MYO1B: variants seen among roughly 807,000 people sequenced by gnomAD.
MYO1B encodes unconventional myosin-Ib.
MYO1B carries 72 observed loss-of-function variants against 159.7 expected under a neutral mutation model. The ratio of observed to expected loss-of-function variants is 0.45; its 90% CI spans 0.37 to 0.55. The LOEUF (loss-of-function observed/expected upper bound fraction) is 0.55, where lower values mean the gene tolerates loss of function less well. MYO1B is among the 20% of genes least tolerant of loss of function. MYO1B has a pLI of 0.00. For synonymous variants in MYO1B, 468 were observed against 473.8 expected (o/e 0.99, Z 0.16); for missense variants, 1,062 against 1,364.8 (o/e 0.78, Z 3.50).
chr2:191,336,438 GT>G (rs1691847921), intron 4 of MYO1B, among the ~76,000 whole-genome samples: 1 of 152,126 alleles, frequency 6.6e-6, no homozygotes, highest in Non-Finnish European at 1.5e-5. Flanking sequence ...GTGAGCTTTT[GT>G]TTTGTTTTTC....
intron 4 of MYO1B, among the ~76,000 whole-genome samples, chr2:191,336,069 G>A (rs1263144552): frequency 6.6e-6 from 1 of 152,136 alleles, no homozygotes; most frequent in East Asian, 1.9e-4. Context: ...GGGCAGGGGG[G>A]CAGAATATGA....
chr2:191,419,498 G>A (rs898126215), intron 30 of MYO1B, among the ~76,000 whole-genome samples: 4 of 152,214 alleles, frequency 2.6e-5, no homozygotes, highest in Non-Finnish European at 5.9e-5. Context: ...GATTATAGGC[G>A]TGAGCCACCA....
chr2:191,250,167 A>G (rs1179544774), intron 1 of MYO1B, among the ~76,000 whole-genome samples: 1 of 152,206 alleles, frequency 6.6e-6, no homozygotes, highest in Non-Finnish European at 1.5e-5. Flanking sequence ...AAATGAAGAA[A>G]ATGGCTATGA....
At chr2:191,376,326 T>A (rs1442325443) in intron 13 of MYO1B, among the ~76,000 whole-genome samples, 2 of 152,216 alleles carry the variant, frequency 1.3e-5, no homozygotes, top group Admixed American at 1.3e-4. Context: ...AAAGCAATTC[T>A]TGTTTTGGAG....
At chr2:191,399,050 G>A (rs1303366635) in intron 21 of MYO1B, among the ~76,000 whole-genome samples, 2 of 152,314 alleles carry the variant, frequency 1.3e-5, no homozygotes, top group East Asian at 1.9e-4. Context: ...GATCACTCGC[G>A]GTTAGGAGCT....
At chr2:191,263,305 G>A in intron 1 of MYO1B, 2 of 984,702 alleles carry the variant, frequency 2.0e-6, no homozygotes, top group South Asian at 4.7e-5. Context: ...CTGTCACAAC[G>A]AATGTTTGTC....
chr2:191,358,041 G>A (rs1339439700), intron 7 of MYO1B, among the ~76,000 whole-genome samples: 1 of 152,166 alleles, frequency 6.6e-6, no homozygotes, highest in Non-Finnish European at 1.5e-5. Flanking sequence ...GTGTGATTGA[G>A]TTGCTTAGGC....
intron 4 of MYO1B, among the ~76,000 whole-genome samples, chr2:191,332,860 T>C (rs1415847188): frequency 6.6e-6 from 1 of 152,168 alleles, no homozygotes; most frequent in Non-Finnish European, 1.5e-5. Flanking sequence ...ACTTTGCCCA[T>C]GTTGGTAAGT....
At chr2:191,288,221 T>G (rs1688494961) in intron 2 of MYO1B, among the ~76,000 whole-genome samples, 1 of 143,688 alleles carries the variant, frequency 7.0e-6, no homozygotes, top group South Asian at 2.3e-4. Flanking sequence ...AAAAAATATA[T>G]TTTGAAGAAG....
At chr2:191,376,281 A>G (rs1325206330) in intron 13 of MYO1B, among the ~76,000 whole-genome samples, 1 of 152,178 alleles carries the variant, frequency 6.6e-6, no homozygotes, top group East Asian at 1.9e-4. Context: ...GTTTTCTCAT[A>G]TATTTTGAGG....
At chr2:191,415,583 T>G (rs78249789) in intron 29 of MYO1B, among the ~76,000 whole-genome samples, 13 of 126,796 alleles carry the variant, frequency 1.0e-4, no homozygotes, top group Admixed American at 1.4e-4. Context: ...AAGCATCATG[T>G]TTTTTTTTTT....
chr2:191,349,286 C>T (rs1198644614), intron 6 of MYO1B, among the ~76,000 whole-genome samples: 2 of 152,164 alleles, frequency 1.3e-5, no homozygotes, highest in Admixed American at 1.3e-4. Flanking sequence ...GGTGCAGGAG[C>T]ATGCATAAGC....
chr2:191,387,265 C>A lies in MYO1B; in HGVS notation c.1596C>A (p.Asp532Glu), dbSNP rs1476024440. The change falls in exon 17 of 31, where the codon GAC becomes GAA. Residue 532 changes from aspartate (D) to glutamate (E), a missense_variant. Physicochemically the swap from Asp to Glu is conservative, Grantham distance 45 (BLOSUM62 2). This residue lies in a region of MYO1B where 609 missense variants were observed against 744.4 expected (regional missense o/e 0.82). Coordinates refer to ENST00000392318, the MANE Select transcript of MYO1B (RefSeq NM_001130158.3). ...AAGGATTCGTTGACAAAAACAATGA[C>A]CTTCTCTATCGAGACCTGTCCCAAG... ...QVEGFVDKNN[D>E]LLYRDLSQAM... is the part of the protein sequence containing the mutation. 1 of 1,614,036 alleles carries A rather than the reference C, an allele frequency of 6.2e-7. No homozygotes were observed. The highest frequency in any genetic ancestry group is 8.5e-7 in the Non-Finnish European group (1 of 1,180,038).
intron 21 of MYO1B, among the ~76,000 whole-genome samples, chr2:191,398,449 G>A (rs1696340081): frequency 7.1e-6 from 1 of 140,932 alleles, no homozygotes; most frequent in Non-Finnish European, 1.5e-5. Flanking sequence ...CTCCCGGACG[G>A]AGACGCTCCT....
chr2:191,367,088 A>G (rs1045751462), intron 11 of MYO1B, among the ~76,000 whole-genome samples: 8 of 152,106 alleles, frequency 5.3e-5, no homozygotes, highest in African/African-American at 1.7e-4. Context: ...ATGCAGCTGC[A>G]GAAGTGCATG....
intron 15 of MYO1B, among the ~76,000 whole-genome samples, chr2:191,383,691 C>G (rs1695234614): frequency 6.6e-6 from 1 of 151,576 alleles, no homozygotes; most frequent in African/African-American, 2.4e-5. Context: ...TCACAACACC[C>G]TTTTATGACC....
chr2:191,280,724 A>G (rs972011123), intron 2 of MYO1B, among the ~76,000 whole-genome samples: 14 of 152,356 alleles, frequency 9.2e-5, no homozygotes, highest in Admixed American at 7.8e-4. Flanking sequence ...TGGGTTCCCA[A>G]CCAAATATAT....
At chr2:191,334,353 G>A (rs1691688184) in intron 4 of MYO1B, among the ~76,000 whole-genome samples, 2 of 152,042 alleles carry the variant, frequency 1.3e-5, no homozygotes, top group Non-Finnish European at 2.9e-5. Context: ...CTCCTGATGG[G>A]CTCATGTATC....
At chr2:191,299,401 T>C (rs1469857112) in intron 3 of MYO1B, among the ~76,000 whole-genome samples, 2 of 152,204 alleles carry the variant, frequency 1.3e-5, no homozygotes, top group Non-Finnish European at 2.9e-5. Context: ...CCCATCTTGC[T>C]TGTTCTGTCA....
Sources: gnomAD v4.1 joint callset for allele counts (sites outside exome capture counted in the v4.1 genomes callset) on GRCh38, gnomAD v4.1.1 for gene constraint, gnomAD v4.1.1 regional missense constraint, MANE v1.5 for transcripts, NCBI Gene and HGNC (gene_info 2026-07-23, HGNC 2026-07-21) for gene names.